CCDC68: variants seen among roughly 807,000 people sequenced by gnomAD.
The protein encoded by CCDC68 is coiled-coil domain-containing protein 68.
A neutral mutation model predicts 47.1 loss-of-function variants in CCDC68; 45 were observed. The ratio of observed to expected loss-of-function variants is 0.96; its 90% confidence interval spans 0.75 to 1.23. The LOEUF (loss-of-function observed/expected upper bound fraction) is 1.23. Among genes scored for constraint, CCDC68 ranks in the 50% most tolerant of loss-of-function variants. The pLI, the probability that CCDC68 is intolerant of heterozygous loss-of-function variation, is 0.00. For missense variants in CCDC68, 353 were observed against 373.6 expected, an observed-to-expected ratio of 0.94 and a Z score of 0.45; for synonymous variants, 131 against 129.5, an observed-to-expected ratio of 1.01 and a Z score of -0.08.
chr18:54,910,762 G>A (rs1914312003), intron 10 of CCDC68, among the ~76,000 whole-genome samples: 1 of 152,210 alleles, frequency 6.6e-6, no homozygotes, highest in Non-Finnish European at 1.5e-5. Context: ...GGCAGAAGGG[G>A]GTTAGCATGT....
intron 7 of CCDC68, among the ~76,000 whole-genome samples, chr18:54,931,947 C>T (rs999285855): frequency 6.6e-6 from 1 of 152,052 alleles, no homozygotes; most frequent in Non-Finnish European, 1.5e-5. Flanking sequence ...ATTTATCAAC[C>T]TTTGTGAGGA....
At chr18:54,915,180 A>T (rs546919750) in intron 10 of CCDC68, among the ~76,000 whole-genome samples, 55 of 152,250 alleles carry the variant, frequency 3.6e-4, no homozygotes, top group Non-Finnish European at 7.2e-4. Flanking sequence ...AAGCTATTGG[A>T]GCCACAATAG....
chr18:54,906,887 A>G (rs1486074854), intron 11 of CCDC68, among the ~76,000 whole-genome samples: 1 of 152,234 alleles, frequency 6.6e-6, no homozygotes, highest in Non-Finnish European at 1.5e-5. Context: ...AATTACATAC[A>G]TCATTAGCAA....
intron 1 of CCDC68, among the ~76,000 whole-genome samples, chr18:54,953,983 CTCCCCTCCCCTCCCT>C (rs1445970043): frequency 6.6e-4 from 73 of 109,852 alleles, no homozygotes; most frequent in South Asian, 1.1e-3. Context: ...CTCCCCTCCC[CTCCCCTCCCCTCCCT>C]TCCCCTCCCC....
At chr18:54,917,864 C>CACAA in intron 10 of CCDC68, 49 bp downstream of exon 10, 1 of 1,014,608 alleles carries the variant, frequency 9.9e-7, no homozygotes, top group Non-Finnish European at 1.6e-6. Context: ...CACACACACA[C>CACAA]ACACACTCAC....
Position 54,938,083 on chromosome 18 carries a change from A to T in CCDC68, c.219T>A (p.Leu73=), listed in dbSNP as rs1434872752. ...CCATTTCAGAATCAGAGCCCTGTTG[A>T]AGGTTTCCACAGTGCTGAAACGGAC... ...HKLDAKHCGN[L]QQGSDSEMDP... is the part of the protein sequence containing the mutation. Residue 73 remains leucine, a synonymous_variant, in exon 5 of 12, where the codon CTT becomes CTA. Transcript: ENST00000591504. 5.0e-6 allele frequency: 8 copies of T among 1,613,296 alleles called. No homozygotes were observed. In the African/African-American group the frequency reaches 9.3e-5, roughly 19 times the overall value.
rs112899394 is a variant in CCDC68 at position 54,958,328 on chromosome 18, C to G, written c.-103+1008G>C. Among the ~76,000 whole-genome samples the G allele has an allele frequency of 2.5e-3, 384 of 152,204 alleles. 12 individuals carry two copies. In the South Asian group the frequency reaches 0.053, roughly 21 times the overall value. ...CGGGGGAAAAGCATAACAACAGCAC[C>G]AATTGTGTCTGCCAGGGTACCTGAC... On this transcript the variant is annotated intron_variant, in intron 1 of 11. Transcript: ENST00000591504.
chr18:54,944,243 G>C (rs2044485244), intron 2 of CCDC68, among the ~76,000 whole-genome samples: 1 of 152,070 alleles, frequency 6.6e-6, no homozygotes, highest in Non-Finnish European at 1.5e-5. Flanking sequence ...GGCTGATCCA[G>C]GTCTGGGGTA....
intron 8 of CCDC68, among the ~76,000 whole-genome samples, chr18:54,920,102 G>C (rs1289618759): frequency 6.6e-6 from 1 of 152,118 alleles, no homozygotes; most frequent in Non-Finnish European, 1.5e-5. Flanking sequence ...TTCTCTTCTT[G>C]CTACTGTTAT....
At chr18:54,942,854 G>A in intron 2 of CCDC68, 51 bp from the exon 3 acceptor site, 1 of 970,682 alleles carries the variant, frequency 1.0e-6, no homozygotes, top group East Asian at 2.4e-5. Flanking sequence ...TTGATTGTAT[G>A]ATTATATGGT....
At chr18:54,937,187 A>C in intron 5 of CCDC68, 1 of 501,974 alleles carries the variant, frequency 2.0e-6, no homozygotes, top group Non-Finnish European at 3.6e-6. Flanking sequence ...AGTCAAACCA[A>C]ACCAGAGCTC....
chr18:54,904,054 T>G lies in CCDC68; in HGVS notation c.*304A>C. ...ATTGACAATCTTAAAACAATCCCAG[T>G]AGAAAAAAAAATCTGAAAACAAGAT... On this transcript the variant is annotated 3_prime_UTR_variant, in exon 12 of 12. Transcript: ENST00000591504. 3.7e-6 allele frequency: 1 copy of G among 267,886 alleles called. No individual in the cohort carries two copies. Among genetic ancestry groups the G allele is most frequent in the Non-Finnish European group, 7.0e-6 (1 of 143,716 alleles). The allele number at this position is 267,886 out of a possible 1,614,324, so 16.6% of individuals were successfully genotyped here.
At chr18:54,928,148 T>C (rs2145483975) in intron 8 of CCDC68, among the ~76,000 whole-genome samples, 1 of 152,194 alleles carries the variant, frequency 6.6e-6, no homozygotes, top group East Asian at 1.9e-4. Context: ...TAAAGAAAAA[T>C]CTCATAAAAT....
At chr18:54,925,521 G>A (rs2044130008) in intron 8 of CCDC68, among the ~76,000 whole-genome samples, 1 of 152,154 alleles carries the variant, frequency 6.6e-6, no homozygotes, top group Admixed American at 6.5e-5. Flanking sequence ...CTGAGACAAA[G>A]GAAATAAAAG....
At chr18:54,912,829 G>A (rs895376199) in intron 10 of CCDC68, among the ~76,000 whole-genome samples, 14 of 152,146 alleles carry the variant, frequency 9.2e-5, no homozygotes, top group Admixed American at 7.9e-4. Flanking sequence ...CATGGAGGCA[G>A]GCAATAAAGA....
chr18:54,908,008 A>T (rs995296857), intron 10 of CCDC68, 146 bp from the exon 11 acceptor site: 16 of 594,566 alleles, frequency 2.7e-5, no homozygotes, highest in Non-Finnish European at 3.3e-5. Context: ...GAAAATAGCC[A>T]GTTGAAAGTC....
chr18:54,904,359 C>T lies in CCDC68; in HGVS notation c.1007G>A (p.Ter336=), dbSNP rs113663812. Reference sequence around the variant, plus strand: ...AAATCAGATCTTCATCCAGCCAGTTCATTTCCGTAACCTAATCAACATTAA... The same window carrying T: ...AAATCAGATCTTCATCCAGCCAGTTTATTTCCGTAACCTAATCAACATTAA... ...PYLMLIRLRK[*] The change falls in exon 12 of 12, where the codon TGA becomes TAA. Residue 336 remains the stop codon, a stop_retained_variant. Coordinates refer to ENST00000591504, the MANE Select transcript of CCDC68 (RefSeq NM_025214.3). The T allele has an allele frequency of 3.1e-6, 5 of 1,611,520 alleles. No individual in the cohort carries two copies. In the South Asian group the frequency reaches 5.5e-5, roughly 18 times the overall value.
At chr18:54,936,656 C>T (rs143321867) in intron 6 of CCDC68, among the ~76,000 whole-genome samples, 177 bp downstream of exon 6, 254 of 152,212 alleles carry the variant, frequency 1.7e-3, no homozygotes, top group African/African-American at 5.9e-3. Flanking sequence ...CTGGGGTGTC[C>T]GGCTAAGCAG....
At chr18:54,935,471 G>A (rs1167919100) in intron 6 of CCDC68, among the ~76,000 whole-genome samples, 1 of 152,246 alleles carries the variant, frequency 6.6e-6, no homozygotes, top group Middle Eastern at 3.4e-3. Context: ...CGACTAACTT[G>A]TTACTCTTCT....
Sources: gnomAD v4.1 joint callset for allele counts (sites outside exome capture counted in the v4.1 genomes callset) on GRCh38, gnomAD v4.1.1 for gene constraint, MANE v1.5 for transcripts, NCBI Gene and HGNC (gene_info 2026-07-23, HGNC 2026-07-21) for gene names.